KCNT2: variants seen among roughly 807,000 people sequenced by gnomAD.
KCNT2 encodes the protein potassium sodium-activated channel subfamily T member 2.
In KCNT2, 67 loss-of-function variants were observed where a neutral mutation model predicts 153.8. That is an observed-to-expected ratio of 0.44 (90% confidence interval 0.36 to 0.53). The LOEUF (loss-of-function observed/expected upper bound fraction) is 0.53. KCNT2 is among the 20% of genes least tolerant of loss of function. KCNT2 has a pLI of 0.00. For missense variants in KCNT2, 975 were observed against 1,354.8 expected, an observed-to-expected ratio of 0.72 and a Z score of 4.40; for synonymous variants, 500 against 458.8, an observed-to-expected ratio of 1.09 and a Z score of -1.15.
chr1:196,326,642 G>A, intron 19 of KCNT2, 75 bp downstream of exon 19: 1 of 759,836 alleles, frequency 1.3e-6, no homozygotes, highest in African/African-American at 1.9e-5. Flanking sequence ...AATATTACAG[G>A]CAATTATTTT....
At chr1:196,446,869 T>C (rs374549316) in intron 8 of KCNT2, among the ~76,000 whole-genome samples, 2 of 151,724 alleles carry the variant, frequency 1.3e-5, no homozygotes, top group East Asian at 2.0e-4. Flanking sequence ...CTTCCACTTA[T>C]GTAATGTAAA....
At chr1:196,267,199 A>G (rs1255326506) in intron 25 of KCNT2, among the ~76,000 whole-genome samples, 1 of 152,234 alleles carries the variant, frequency 6.6e-6, no homozygotes, top group Non-Finnish European at 1.5e-5. Flanking sequence ...ATGCTCTTCC[A>G]AGGAGATTCC....
At chr1:196,252,044 A>G (rs190964122) in intron 26 of KCNT2, among the ~76,000 whole-genome samples, 2 of 151,722 alleles carry the variant, frequency 1.3e-5, no homozygotes, top group East Asian at 3.9e-4. Context: ...GTCTCTTTAT[A>G]TTTAAAATAA....
At chr1:196,308,806 C>T (rs1270728736) in intron 21 of KCNT2, among the ~76,000 whole-genome samples, 1 of 151,854 alleles carries the variant, frequency 6.6e-6, no homozygotes, top group Non-Finnish European at 1.5e-5. Flanking sequence ...CACAGATGAT[C>T]CAAATAAAAT....
At chr1:196,534,601 T>A (rs1476025968) in intron 1 of KCNT2, among the ~76,000 whole-genome samples, 1 of 152,094 alleles carries the variant, frequency 6.6e-6, no homozygotes, top group Non-Finnish European at 1.5e-5. Context: ...AAAGAAGGCA[T>A]TCATCTTTAG....
At chr1:196,409,967 G>A (rs1672146829) in intron 12 of KCNT2, among the ~76,000 whole-genome samples, 1 of 151,550 alleles carries the variant, frequency 6.6e-6, no homozygotes, top group Admixed American at 6.6e-5. Context: ...TTTTTATCTT[G>A]ATTTTGATAA....
At chr1:196,304,318 T>C (rs1661437472) in intron 22 of KCNT2, among the ~76,000 whole-genome samples, 2 of 152,150 alleles carry the variant, frequency 1.3e-5, no homozygotes, top group Admixed American at 1.3e-4. Flanking sequence ...CTCTACCTCT[T>C]ATATTGTTAT....
At chr1:196,421,569 T>C (rs935010809) in intron 12 of KCNT2, among the ~76,000 whole-genome samples, 2 of 152,044 alleles carry the variant, frequency 1.3e-5, no homozygotes, top group African/African-American at 4.8e-5. Flanking sequence ...AATGAACTGA[T>C]GAATCAGTCT....
chr1:196,521,443 C>G (rs946379088), intron 1 of KCNT2, among the ~76,000 whole-genome samples: 1 of 152,174 alleles, frequency 6.6e-6, no homozygotes, highest in Non-Finnish European at 1.5e-5. Flanking sequence ...AATCCCATTA[C>G]TGGGTGTATA....
At chr1:196,260,168 C>A (rs1221675502) in intron 25 of KCNT2, among the ~76,000 whole-genome samples, 1 of 151,698 alleles carries the variant, frequency 6.6e-6, no homozygotes, top group Non-Finnish European at 1.5e-5. Flanking sequence ...AGTCATAAGT[C>A]CCTATGAGTG....
chr1:196,503,434 C>T (rs1680861440), intron 1 of KCNT2, among the ~76,000 whole-genome samples: 1 of 152,108 alleles, frequency 6.6e-6, no homozygotes, highest in Non-Finnish European at 1.5e-5. Flanking sequence ...AATAGCTTGC[C>T]AATCAAAACT....
At chr1:196,460,771 T>A (rs543551470) in intron 8 of KCNT2, among the ~76,000 whole-genome samples, 1 of 151,876 alleles carries the variant, frequency 6.6e-6, no homozygotes, top group South Asian at 2.1e-4. Context: ...CTCATTTGAA[T>A]AAGGATCAAA....
rs749729538 is a variant in KCNT2 at position 196,428,165 on chromosome 1, T to A, written c.924A>T (p.Ser308=). 1 of 1,611,734 alleles carries A rather than the reference T, an allele frequency of 6.2e-7. No homozygotes were observed. The highest frequency in any genetic ancestry group is 8.5e-7 in the Non-Finnish European group (1 of 1,178,214). The change falls in exon 10 of 28, where the codon TCA becomes TCT. Residue 308 remains serine, a synonymous_variant. Coordinates refer to ENST00000294725, the MANE Select transcript of KCNT2 (RefSeq NM_198503.5). ...AATCCATAAGTAAATCAATCTTCAGTGAGCTGACACACAGGACGACATGCT... is the reference window on the plus strand; with the variant it reads ...AATCCATAAGTAAATCAATCTTCAGAGAGCTGACACACAGGACGACATGCT... The part of the protein sequence containing the change: ...TEKHVVLCVS[S]LKIDLLMDFL...
chr1:196,582,753 G>T (rs190398582), intron 1 of KCNT2, among the ~76,000 whole-genome samples: 6 of 152,044 alleles, frequency 3.9e-5, no homozygotes, highest in South Asian at 2.1e-4. Context: ...GATGCATCAG[G>T]CAAGGATACA....
chr1:196,271,784 G>A (rs1311104593), intron 25 of KCNT2, among the ~76,000 whole-genome samples: 2 of 151,872 alleles, frequency 1.3e-5, no homozygotes, highest in East Asian at 3.9e-4. Context: ...GAAGGTCAGT[G>A]AACACAGCTG....
chr1:196,607,537 AT>A (rs144071875), intron 1 of KCNT2, among the ~76,000 whole-genome samples: 8,996 of 152,284 alleles, frequency 0.059, 399 homozygotes, highest in Non-Finnish European at 0.087. Flanking sequence ...AGTTAAAAAA[AT>A]ATACTAGTTA....
chr1:196,432,519 G>T (rs1004544698), intron 8 of KCNT2, among the ~76,000 whole-genome samples: 3 of 152,148 alleles, frequency 2.0e-5, no homozygotes, highest in Non-Finnish European at 4.4e-5. Context: ...AGTGTGACCA[G>T]AAGTCAAGAC....
intron 14 of KCNT2, among the ~76,000 whole-genome samples, chr1:196,348,974 C>A (rs1558179182): frequency 6.6e-6 from 1 of 152,120 alleles, no homozygotes; most frequent in East Asian, 1.9e-4. Flanking sequence ...AAGAAAGAAT[C>A]CCCTAGATCT....
rs539624151 is a variant in KCNT2, at chr1:196,267,430, G to A, written c.2911-8936C>T. 7.2e-5 allele frequency among the ~76,000 whole-genome samples: 11 copies of A among 152,180 alleles called. No homozygotes were observed. The East Asian group carries it at 7.7e-4, about 11-fold the overall frequency. Reference sequence around the variant, plus strand: ...ACATTTTTAGGCCTTTTGGGGTTTCGGATGGAAGATATTCCTCATTAACAA... The same window carrying A: ...ACATTTTTAGGCCTTTTGGGGTTTCAGATGGAAGATATTCCTCATTAACAA... On this transcript the variant is annotated intron_variant, in intron 25 of 27. Transcript: ENST00000294725.
Sources: allele counts gnomAD v4.1 joint callset (sites outside exome capture counted in the v4.1 genomes callset), GRCh38; gene constraint gnomAD v4.1.1; transcripts MANE v1.5; gene names NCBI Gene and HGNC (gene_info 2026-07-23, HGNC 2026-07-21).